The following LRRFIP1 variants were observed in gnomAD, a reference collection of about 807,000 sequenced individuals.
LRRFIP1 encodes the protein LRR binding FLII interacting protein 1.
LRRFIP1 carries 62 observed loss-of-function variants against 104.4 expected under a neutral mutation model. That is an observed-to-expected ratio of 0.59 (90% CI 0.48 to 0.73). The LOEUF is 0.73. Among genes scored for constraint, LRRFIP1 ranks in the 30% least tolerant of loss-of-function variants. The pLI is 0.00. For synonymous variants in LRRFIP1, 300 were observed against 299.0 expected (o/e 1.00, Z -0.03); for missense variants, 796 against 824.5 (o/e 0.97, Z 0.42).
At chr2:237,634,978 G>A (rs1347499870) in intron 1 of LRRFIP1, among the ~76,000 whole-genome samples, 1 of 152,072 alleles carries the variant, frequency 6.6e-6, no homozygotes, top group Non-Finnish European at 1.5e-5. Flanking sequence ...TTCTCCTCAG[G>A]GTTTCCTGCA....
intron 11 of LRRFIP1, among the ~76,000 whole-genome samples, chr2:237,745,588 A>C (rs2057734804): frequency 6.6e-6 from 1 of 152,226 alleles, no homozygotes; most frequent in Admixed American, 6.5e-5. Flanking sequence ...GATGTGTTAA[A>C]GCCCTGCCCC....
intron 1 of LRRFIP1, among the ~76,000 whole-genome samples, chr2:237,631,284 C>A (rs539838115): frequency 1.3e-5 from 2 of 152,128 alleles, no homozygotes; most frequent in African/African-American, 4.8e-5. Context: ...TTCGCTGGAG[C>A]GAGGGGAAGA....
At chr2:237,696,421 C>T (rs1296755628) in intron 1 of LRRFIP1, among the ~76,000 whole-genome samples, 3 of 152,140 alleles carry the variant, frequency 2.0e-5, no homozygotes, top group Non-Finnish European at 4.4e-5. Context: ...GTCTTCTCAT[C>T]GTGCTTCTAA....
chr2:237,684,650 A>AT (rs1035571698), intron 1 of LRRFIP1, among the ~76,000 whole-genome samples: 10 of 151,028 alleles, frequency 6.6e-5, no homozygotes, highest in South Asian at 4.2e-4. Flanking sequence ...GCATGTATAG[A>AT]TTTTTTTTTT....
At chr2:237,659,558 A>C (rs546681187) in intron 1 of LRRFIP1, among the ~76,000 whole-genome samples, 30 of 148,618 alleles carry the variant, frequency 2.0e-4, no homozygotes, top group African/African-American at 6.6e-4. Context: ...TTTACCAAAA[A>C]AACTATATAT....
At chr2:237,702,699 G>A (rs2093603806) in intron 1 of LRRFIP1, among the ~76,000 whole-genome samples, 1 of 152,140 alleles carries the variant, frequency 6.6e-6, no homozygotes, top group Admixed American at 6.5e-5. Flanking sequence ...TTATGAAACA[G>A]CAGCCAGACC....
intron 1 of LRRFIP1, among the ~76,000 whole-genome samples, chr2:237,644,531 G>A (rs184032058): frequency 9.2e-5 from 14 of 152,336 alleles, no homozygotes; most frequent in Admixed American, 4.6e-4. Flanking sequence ...GGTTAGAGGC[G>A]GGTGGCAGGC....
intron 1 of LRRFIP1, among the ~76,000 whole-genome samples, chr2:237,666,773 C>A (rs6747607): frequency 0.022 from 2,498 of 112,562 alleles, 64 homozygotes; most frequent in African/African-American, 0.072. Flanking sequence ...TTCTCTCTTT[C>A]TCTCTGTCTC....
intron 21 of LRRFIP1, 111 bp downstream of exon 21, chr2:237,772,309 C>A: frequency 1.3e-6 from 1 of 770,492 alleles, no homozygotes. Context: ...TCCCTCACAT[C>A]CCCACAAAAG....
rs2094403629 is a variant in LRRFIP1, at chr2:237,717,965, G to A, written c.249+156G>A. 6.6e-6 allele frequency among the ~76,000 whole-genome samples: 1 copy of A among 152,210 alleles called. No homozygotes were observed. The highest frequency in any genetic ancestry group is 2.4e-5 in the African/African-American group (1 of 41,472). On this transcript the variant is annotated intron_variant, in intron 4 of 23. Transcript: ENST00000308482. The surrounding 1 kb of genome is among the most constrained non-coding windows in gnomAD (Gnocchi z 4.2). ...TAATACTGAGAGATTTTCTTCCGGG[G>A]ATTTCTGCATCTGGTCTCTGTTTAC... is the stretch of plus-strand genomic sequence containing the variant.
chr2:237,689,050 T>TGAA (rs1553638024), intron 1 of LRRFIP1, among the ~76,000 whole-genome samples: 1 of 136,066 alleles, frequency 7.3e-6, no homozygotes, highest in Non-Finnish European at 1.5e-5. Context: ...TGCTCTACGT[T>TGAA]GAAAAAAAAA....
At chr2:237,636,557 G>A (rs142372675) in intron 1 of LRRFIP1, among the ~76,000 whole-genome samples, 14 of 152,040 alleles carry the variant, frequency 9.2e-5, no homozygotes, top group African/African-American at 3.4e-4. Flanking sequence ...CACTTAATTT[G>A]GGGGTTTTCC....
In LRRFIP1 at chr2:237,701,725, G is replaced by T. The variant is rs572160574; in HGVS notation, c.97-6819G>T. Among the ~76,000 whole-genome samples, 191 of 152,340 alleles carry T rather than the reference G, an allele frequency of 1.3e-3. 3 individuals are homozygous for T. Among genetic ancestry groups the T allele is most frequent in the East Asian group, 1.9e-3 (10 of 5,186 alleles). On this transcript the variant is annotated intron_variant, in intron 1 of 23. Coordinates refer to ENST00000308482, the MANE Select transcript of LRRFIP1 (RefSeq NM_001137550.2). ...TCACTGCCCTGTGTGCCCTGCCCCGGTAGAAGCCGTTTCTGCTGTGTGGTT... is the reference window on the plus strand; with the variant it reads ...TCACTGCCCTGTGTGCCCTGCCCCGTTAGAAGCCGTTTCTGCTGTGTGGTT...
intron 18 of LRRFIP1, 124 bp downstream of exon 18, chr2:237,758,945 A>G: frequency 3.3e-6 from 2 of 603,502 alleles, no homozygotes; most frequent in Non-Finnish European, 5.7e-6. Flanking sequence ...AGTTCTGTTA[A>G]TAATTCATAT....
At position 237,658,024 on chromosome 2, in the gene LRRFIP1, G is replaced by A. The variant is rs556075946; in HGVS notation, c.96+30284G>A. ...GAGCGTTATTTAACTGTGGGACTAA[G>A]ACAAGCATGGAAATCCTAAAACCAA... On this transcript the variant is annotated intron_variant, in intron 1 of 23. Transcript: ENST00000308482. Among the ~76,000 whole-genome samples the A allele has an allele frequency of 5.9e-5, 9 of 152,288 alleles. No homozygotes were observed. The East Asian group carries it at 1.7e-3, about 29-fold the overall frequency.
rs2094361423 is a variant in LRRFIP1 at position 237,717,050 on chromosome 2, A to T, written c.202-712A>T. 6.6e-6 allele frequency among the ~76,000 whole-genome samples: 1 copy of T among 151,650 alleles called. No homozygotes were observed. Among genetic ancestry groups the T allele is most frequent in the African/African-American group, 2.4e-5 (1 of 41,160 alleles). On this transcript the variant is annotated intron_variant, in intron 3 of 23. Transcript: ENST00000308482. This position sits in a 1 kb window ranked among gnomAD's most constrained non-coding sequence, Gnocchi z 4.2. ...TTTTTTTAGCTTATCAGCTATCGTT[A>T]GTGTAGTTTATGTGTGGCCCAAGAC...
At chr2:237,778,569 C>T (rs919206522) in intron 23 of LRRFIP1, among the ~76,000 whole-genome samples, 11 of 152,236 alleles carry the variant, frequency 7.2e-5, no homozygotes, top group African/African-American at 2.4e-4. Flanking sequence ...AGTCCAGGCT[C>T]AGCTCTTGTT....
chr2:237,640,192 G>C (rs752878517), intron 1 of LRRFIP1, among the ~76,000 whole-genome samples: 3 of 152,218 alleles, frequency 2.0e-5, no homozygotes, highest in Admixed American at 6.5e-5. Flanking sequence ...CCTGGAAGCT[G>C]AGATGGGGCC....
chr2:237,673,852 C>T (rs2090730343), intron 1 of LRRFIP1, among the ~76,000 whole-genome samples: 1 of 152,166 alleles, frequency 6.6e-6, no homozygotes, highest in Non-Finnish European at 1.5e-5. Flanking sequence ...TGGGCGGAGG[C>T]TGTCTCAGGA....
Sources: gnomAD v4.1 joint callset for allele counts (sites outside exome capture counted in the v4.1 genomes callset) on GRCh38, gnomAD v4.1.1 for gene constraint, Gnocchi (gnomAD v3.1) non-coding constraint, MANE v1.5 for transcripts, NCBI Gene and HGNC (gene_info 2026-07-23, HGNC 2026-07-21) for gene names.